Variants in DNAH1 observed in about 807,000 individuals in gnomAD.
DNAH1 encodes axonemal beta dynein heavy chain 1.
In DNAH1, 327 loss-of-function variants were observed where a neutral mutation model predicts 484.3. That is an observed-to-expected ratio of 0.68 (90% CI 0.62 to 0.74). The LOEUF is 0.74. DNAH1 is among the 30% of genes least tolerant of loss of function. DNAH1 has a pLI of 0.00. For missense variants in DNAH1, 5,052 were observed against 5,546.8 expected (o/e 0.91, Z 2.83); for synonymous variants, 2,192 against 2,191.9 (o/e 1.00, Z 0.00).
chr3:52,386,437 C>T, intron 55 of DNAH1, 92 bp downstream of exon 55: 2 of 1,437,696 alleles, frequency 1.4e-6, no homozygotes, highest in Non-Finnish European at 1.8e-6. Context: ...AGCAGCCTGC[C>T]CCACCCTCCT....
At chr3:52,339,032 TAA>T (rs918925454) in intron 8 of DNAH1, among the ~76,000 whole-genome samples, 2 of 145,796 alleles carry the variant, frequency 1.4e-5, no homozygotes, top group Non-Finnish European at 1.5e-5. Context: ...AGACTCCGTC[TAA>T]AAAAAAAAAA....
At position 52,362,441 on chromosome 3, in the gene DNAH1, A is replaced by G. The variant is rs887507241; in HGVS notation, c.5034A>G (p.Ala1678=). ...GVEIPLVPSC[A]VFITMNPGYA... is the part of the protein sequence containing the mutation. ...AGATCCCACTGGTGCCATCCTGCGC[A>G]GTGTTTATCACCATGAACCCGGGCT... The change falls in exon 31 of 78, where the codon GCA becomes GCG. Residue 1678 remains alanine, a synonymous_variant. Coordinates refer to ENST00000420323, the MANE Select transcript of DNAH1 (RefSeq NM_015512.5). This position sits in a 1 kb window ranked among gnomAD's most constrained non-coding sequence, Gnocchi z 5.1. The G allele has an allele frequency of 4.3e-6, 7 of 1,613,912 alleles. No homozygotes were observed. The highest frequency in any genetic ancestry group is 3.3e-5 in the South Asian group (3 of 91,088).
In DNAH1 at chr3:52,376,011, C is replaced by T. The variant is rs746192239; in HGVS notation, c.7198+18C>T. The T allele has an allele frequency of 9.9e-6, 16 of 1,609,308 alleles. No homozygotes were observed. The highest frequency in any genetic ancestry group is 6.8e-5 in the Admixed American group (4 of 58,676). On this transcript the variant is annotated intron_variant, in intron 46 of 77. Transcript: ENST00000420323. Reference sequence around the variant, plus strand: ...GCGTGTGCGTAAGTGTGGGCCTGGGCGGGAATGGGGCACTGGTTCCAGGAG... The same window carrying T: ...GCGTGTGCGTAAGTGTGGGCCTGGGTGGGAATGGGGCACTGGTTCCAGGAG...
intron 1 of DNAH1, 108 bp downstream of exon 1, chr3:52,316,653 C>A (rs984521918): frequency 1.3e-5 from 2 of 152,194 alleles, no homozygotes; most frequent in African/African-American, 4.8e-5. Context: ...TAGATTACAC[C>A]CTGCCTCTAG....
rs139975573 is a variant in DNAH1, at chr3:52,399,433, T to C, written c.12442-112T>C. 8.6e-4 allele frequency: 908 copies of C among 1,049,974 alleles called. 3 individuals are homozygous for C. The highest frequency in any genetic ancestry group is 7.3e-3 in the East Asian group (285 of 39,104). The allele number at this position is 1,049,974 out of a possible 1,614,324, so 65.0% of individuals were successfully genotyped here. A position where few individuals can be genotyped will look rare whatever the true frequency, so the allele number is the denominator to read the frequency against. ...ATGGGCTAAAGTGGTAGGTACGTGA[T>C]GATGGGCAGGCAGGCAGCATTAGGC... On this transcript the variant is annotated intron_variant, in intron 76 of 77. Transcript: ENST00000420323.
rs761898341 is a variant in DNAH1, at chr3:52,364,622, T to C, written c.5245-16T>C. ...AGGGACAGTGCTCACCCATGCCTCC[T>C]TCTGTATGGCGACAGGATCACTATG... On this transcript the variant is annotated splice_polypyrimidine_tract_variant and intron_variant, in intron 32 of 77. Coordinates refer to ENST00000420323, the MANE Select transcript of DNAH1 (RefSeq NM_015512.5). This position sits in a 1 kb window ranked among gnomAD's most constrained non-coding sequence, Gnocchi z 4.2. 1 of 1,613,870 alleles carries C rather than the reference T, an allele frequency of 6.2e-7. No homozygotes were observed. The highest frequency in any genetic ancestry group is 2.2e-5 in the East Asian group (1 of 44,880).
At position 52,348,874 on chromosome 3, in the gene DNAH1, C is replaced by T. The variant is rs1311408452; in HGVS notation, c.2107-14C>T. 1.9e-6 allele frequency: 3 copies of T among 1,610,418 alleles called. No individual in the cohort carries two copies. In the South Asian group the frequency reaches 3.3e-5, roughly 18 times the overall value. On this transcript the variant is annotated splice_polypyrimidine_tract_variant and intron_variant, in intron 12 of 77. Coordinates refer to ENST00000420323, the MANE Select transcript of DNAH1 (RefSeq NM_015512.5). ...TCATCCAGGTCTGCCCTGCCACATG[C>T]CTTCCCTCTGCAGCTGGTGATGGAG...
At position 52,364,682 on chromosome 3, in the gene DNAH1, G is replaced by T; in HGVS notation, c.5289G>T (p.Ser1763=). 10 of 1,613,948 alleles carry T rather than the reference G, an allele frequency of 6.2e-6. No individual in the cohort carries two copies. Among genetic ancestry groups the T allele is most frequent in the Non-Finnish European group, 8.5e-6 (10 of 1,179,888 alleles). ...FGMRAVKTVI[S]AAGNLKRENP... ...TGAGAGCCGTGAAAACTGTGATCTC[G>T]GCTGCTGGGAACCTCAAGCGAGAAA... Residue 1763 remains serine (S), a synonymous_variant, in exon 33 of 78, where the codon TCG becomes TCT. Coordinates refer to ENST00000420323, the MANE Select transcript of DNAH1 (RefSeq NM_015512.5). This position sits in a 1 kb window ranked among gnomAD's most constrained non-coding sequence, Gnocchi z 4.2.
chr3:52,372,334 C>T lies in DNAH1; in HGVS notation c.6774C>T (p.Ala2258=). Residue 2258 remains alanine (A), a synonymous_variant, in exon 43 of 78, where the codon GCC becomes GCT. Coordinates refer to ENST00000420323, the MANE Select transcript of DNAH1 (RefSeq NM_015512.5). ...DYISHFLTFS[A]RTSANQTQDF... ...TCAGCCACTTCCTCACCTTCTCAGC[C>T]CGCACTTCAGCCAACCAGACCCAGG... The T allele has an allele frequency of 1.9e-6, 3 of 1,614,016 alleles. No individual in the cohort carries two copies. The highest frequency in any genetic ancestry group is 2.5e-6 in the Non-Finnish European group (3 of 1,179,884).
chr3:52,347,561 C>T (rs1325321703), intron 11 of DNAH1, among the ~76,000 whole-genome samples: 1 of 152,136 alleles, frequency 6.6e-6, no homozygotes, highest in Non-Finnish European at 1.5e-5. Context: ...ATGCCTAGGC[C>T]CTGGCAACCT....
At chr3:52,352,736 A>G (rs1449704235) in intron 18 of DNAH1, 29 bp downstream of exon 18, 12 of 1,598,276 alleles carry the variant, frequency 7.5e-6, no homozygotes, top group Non-Finnish European at 1.0e-5. Flanking sequence ...CCCTGCCCCC[A>G]TGCCCCCAGG....
In DNAH1 at chr3:52,355,699, A is replaced by ACCCAGAGATGC. The variant is rs1038849235; in HGVS notation, c.3693+646_3693+656dup. Among the ~76,000 whole-genome samples, 1 of 152,186 alleles carries ACCCAGAGATGC rather than the reference A, an allele frequency of 6.6e-6. No individual in the cohort carries two copies. Among genetic ancestry groups the ACCCAGAGATGC allele is most frequent in the African/African-American group, 2.4e-5 (1 of 41,438 alleles). On this transcript the variant is annotated intron_variant, in intron 21 of 77. Coordinates refer to ENST00000420323, the MANE Select transcript of DNAH1 (RefSeq NM_015512.5). This position sits in a 1 kb window ranked among gnomAD's most constrained non-coding sequence, Gnocchi z 4.5. The stretch of plus-strand genomic sequence containing the variant: ...GAGGGCTCATCTGTGTGCCTGGACC[A>ACCCAGAGATGC]CCCAGAGATGCCTGAGCTGGTCAGC...
In DNAH1 at chr3:52,327,992, C is replaced by T. The variant is rs762946510; in HGVS notation, c.849C>T (p.Pro283=). ...CTGTCCCGGGAAAAGCCCTCTTGCC[C>T]ACTGATGACTTCCTGGGGCATGGTG... The part of the protein sequence containing the change: ...RKPVPGKALL[P]TDDFLGHEDP... The change falls in exon 6 of 78, where the codon CCC becomes CCT. Residue 283 remains proline, a synonymous_variant. Coordinates refer to ENST00000420323, the MANE Select transcript of DNAH1 (RefSeq NM_015512.5). The T allele has an allele frequency of 3.1e-6, 5 of 1,613,788 alleles. No homozygotes were observed. Among genetic ancestry groups the T allele is most frequent in the Admixed American group, 1.7e-5 (1 of 59,998 alleles).
intron 8 of DNAH1, among the ~76,000 whole-genome samples, chr3:52,340,539 A>T (rs559953623): frequency 9.9e-5 from 15 of 151,808 alleles, no homozygotes; most frequent in Admixed American, 9.2e-4. Flanking sequence ...TGTTGAAATG[A>T]TTCTCCTGCC....
intron 46 of DNAH1, among the ~76,000 whole-genome samples, chr3:52,376,640 T>C (rs1703617107): frequency 6.6e-6 from 1 of 152,042 alleles, no homozygotes; most frequent in Non-Finnish European, 1.5e-5. Flanking sequence ...CACTGGGCCT[T>C]CCACAAACAA....
Position 52,368,619 on chromosome 3 carries a change from G to A in DNAH1, c.5766-122G>A. On this transcript the variant is annotated intron_variant, in intron 36 of 77. Coordinates refer to ENST00000420323, the MANE Select transcript of DNAH1 (RefSeq NM_015512.5). The surrounding 1 kb of genome is among the most constrained non-coding windows in gnomAD (Gnocchi z 4.4). Reference sequence around the variant, plus strand: ...ACTTTTCCTATTATAATTTTTAAAAGAACAAAGAGATTGAAGGAAAGTAGA... The same window carrying A: ...ACTTTTCCTATTATAATTTTTAAAAAAACAAAGAGATTGAAGGAAAGTAGA... 9.4e-7 allele frequency: 1 copy of A among 1,066,806 alleles called. No individual in the cohort carries two copies. The allele number at this position is 1,066,806 out of a possible 1,614,324, so 66.1% of individuals were successfully genotyped here.
chr3:52,361,839 G>T lies in DNAH1; in HGVS notation c.4980+73G>T. 6.8e-7 allele frequency: 1 copy of T among 1,479,106 alleles called. No individual in the cohort carries two copies. The highest frequency in any genetic ancestry group is 9.2e-7 in the Non-Finnish European group (1 of 1,088,444). The allele number at this position is 1,479,106 out of a possible 1,614,324, so 91.6% of individuals were successfully genotyped here. A position where few individuals can be genotyped will look rare whatever the true frequency, so the allele number is the denominator to read the frequency against. ...GCCGCCATACTGCTCCCCATTGCAG[G>T]CTGAGAAGCCAGGCGCTAAGGTCCA... On this transcript the variant is annotated intron_variant, in intron 30 of 77. Coordinates refer to ENST00000420323, the MANE Select transcript of DNAH1 (RefSeq NM_015512.5). The surrounding 1 kb of genome is among the most constrained non-coding windows in gnomAD (Gnocchi z 5.6).
chr3:52,382,290 G>A (rs1015289469), intron 49 of DNAH1, 30 bp from the exon 50 acceptor site: 3 of 1,613,848 alleles, frequency 1.9e-6, no homozygotes, highest in South Asian at 1.1e-5. Flanking sequence ...CAAGTCCCTG[G>A]CATGCTTCAA....
intron 3 of DNAH1, among the ~76,000 whole-genome samples, chr3:52,325,666 G>A (rs1701310204): frequency 1.3e-5 from 2 of 152,202 alleles, no homozygotes; most frequent in African/African-American, 4.8e-5. Flanking sequence ...CAGGGCTGGA[G>A]TAGTGGAGCC....
Sources: gnomAD v4.1 joint callset for allele counts (sites outside exome capture counted in the v4.1 genomes callset) on GRCh38, gnomAD v4.1.1 for gene constraint, Gnocchi (gnomAD v3.1) non-coding constraint, MANE v1.5 for transcripts, NCBI Gene and HGNC (gene_info 2026-07-23, HGNC 2026-07-21) for gene names.